The following AKT1 variants were observed in gnomAD, a reference collection of about 807,000 sequenced individuals.
AKT1 encodes AKT serine/threonine kinase 1.
In AKT1, 21 loss-of-function variants were observed where a neutral mutation model predicts 63.1. The observed-to-expected ratio is 0.33, with a 90% CI of 0.24 to 0.48. The LOEUF (loss-of-function observed/expected upper bound fraction) is 0.48, where lower values mean the gene tolerates loss of function less well. AKT1 is among the 20% of genes least tolerant of loss of function. The pLI, the probability that AKT1 is intolerant of heterozygous loss-of-function variation, is 0.99. For missense variants in AKT1, 382 were observed against 666.0 expected (o/e 0.57, Z 4.69); for synonymous variants, 257 against 253.1 (o/e 1.02, Z -0.15).
chr14:104,773,560 C>G lies in AKT1; in HGVS notation c.723G>C (p.Arg241=). The G allele has an allele frequency of 6.2e-7, 1 of 1,607,780 alleles. No individual in the cohort carries two copies. Among genetic ancestry groups the G allele is most frequent in the Non-Finnish European group, 8.5e-7 (1 of 1,177,622 alleles). The stretch of plus-strand genomic sequence containing the variant: ...CCCGGTCCTCGGAGAACACACGCTC[C>G]CGGGACAGGTGGAAGAACAGCTGCG... The part of the protein sequence containing the change: ...NGGELFFHLS[R]ERVFSEDRAR... The change falls in exon 10 of 15, where the codon CGG becomes CGC. Residue 241 remains arginine (R), a synonymous_variant. Transcript: ENST00000649815.
intron 12 of AKT1, 86 bp from the exon 13 acceptor site, chr14:104,772,538 C>G: frequency 7.3e-7 from 1 of 1,365,948 alleles, no homozygotes; most frequent in Non-Finnish European, 1.0e-6. Flanking sequence ...TGATGTAGGG[C>G]CCGCCAGACA....
In AKT1 at chr14:104,769,584, GATC is replaced by G. The variant is rs978353159; in HGVS notation, c.*754_*756del. The G allele has an allele frequency of 3.2e-5, 17 of 533,132 alleles. No homozygotes were observed. Among genetic ancestry groups the G allele is most frequent in the Non-Finnish European group, 4.4e-5 (12 of 275,140 alleles). 33.0% of individuals were successfully genotyped at this position (533,132 alleles called of 1,614,324 possible). On this transcript the variant is annotated 3_prime_UTR_variant, in exon 15 of 15. Transcript: ENST00000649815. ...AAAAGGTCAAGTGCTACCGTGGAGAGATCATCTGAGGGGGAGGCTCCCGGTGGG... is the reference window on the plus strand; with the variant it reads ...AAAAGGTCAAGTGCTACCGTGGAGAGATCTGAGGGGGAGGCTCCCGGTGGG...
chr14:104,781,794 G>T (rs543474851), intron 3 of AKT1, among the ~76,000 whole-genome samples: 22 of 152,300 alleles, frequency 1.4e-4, no homozygotes, highest in Non-Finnish European at 2.6e-4. Flanking sequence ...CCAGGAAGGG[G>T]ACAGCCACAG....
chr14:104,792,623 C>G lies in AKT1; in HGVS notation c.21G>C (p.Val7=). MSDVAI[V]KEGWLHKRGE... ...CTCGTTTGTGCAGCCAACCCTCCTT[C>G]ACAATAGCCACGTCGCTCATGGTGC... Residue 7 remains valine (V), a synonymous_variant, in exon 3 of 15, where the codon GTG becomes GTC. Coordinates refer to ENST00000649815, the MANE Select transcript of AKT1 (RefSeq NM_001382430.1). The G allele has an allele frequency of 6.2e-7, 1 of 1,611,680 alleles. No homozygotes were observed. Among genetic ancestry groups the G allele is most frequent in the Non-Finnish European group, 8.5e-7 (1 of 1,179,890 alleles).
At chr14:104,789,572 G>A (rs1401242124) in intron 3 of AKT1, among the ~76,000 whole-genome samples, 1 of 152,246 alleles carries the variant, frequency 6.6e-6, no homozygotes, top group Non-Finnish European at 1.5e-5. Flanking sequence ...GCCCAGGATT[G>A]ATTTTTTAAA....
At chr14:104,773,636 C>T (rs1356946602) in intron 9 of AKT1, 56 bp from the exon 10 acceptor site, 4 of 1,559,038 alleles carry the variant, frequency 2.6e-6, no homozygotes, top group Non-Finnish European at 8.7e-7. Flanking sequence ...CCCCCATGGC[C>T]TGCAGGGCTG....
intron 3 of AKT1, among the ~76,000 whole-genome samples, chr14:104,783,971 T>C (rs1468510997): frequency 6.6e-6 from 1 of 152,002 alleles, no homozygotes; most frequent in African/African-American, 2.4e-5. Context: ...GGGGGCCGAG[T>C]GGAGGACGGC....
intron 13 of AKT1, 68 bp downstream of exon 13, chr14:104,772,290 GCGTGCCA>G (rs1892433923): frequency 6.7e-7 from 1 of 1,500,972 alleles, no homozygotes; most frequent in Non-Finnish European, 9.3e-7. Flanking sequence ...AATCTGGCGA[GCGTGCCA>G]CGTGCATGCG....
At chr14:104,788,879 T>C (rs1893475553) in intron 3 of AKT1, among the ~76,000 whole-genome samples, 1 of 152,102 alleles carries the variant, frequency 6.6e-6, no homozygotes, top group Non-Finnish European at 1.5e-5. Context: ...GGGTAGGGCA[T>C]GGCAAGGACT....
chr14:104,776,062 G>A (rs1165781446), intron 5 of AKT1: 24 of 335,356 alleles, frequency 7.2e-5, no homozygotes, highest in African/African-American at 4.8e-4. Flanking sequence ...GCAGGACTCC[G>A]CCCCCCAGCA....
chr14:104,772,396 C>A lies in AKT1; in HGVS notation c.1229G>T (p.Gly410Val). 6.2e-7 allele frequency: 1 copy of A among 1,613,870 alleles called. No homozygotes were observed. Among genetic ancestry groups the A allele is most frequent in the Non-Finnish European group, 8.5e-7 (1 of 1,180,042 alleles). Residue 410 changes from glycine (G) to valine (V), a missense_variant, in exon 13 of 15, where the codon GGT (glycine) becomes GTT (valine). Gly to Val is a moderately radical substitution (Grantham distance 109). This residue lies in a region of AKT1 where 90 missense variants were observed against 120.5 expected (regional missense o/e 0.75). Coordinates refer to ENST00000649815, the MANE Select transcript of AKT1 (RefSeq NM_001382430.1). ...CTCGTACACGTGCTGCCACACGATA[C>A]CGGCAAAGAAGCGATGCTGCATGAT... ...KEIMQHRFFA[G>V]IVWQHVYEKK... is the part of the protein sequence containing the mutation.
At chr14:104,780,893 G>C (rs541431855) in intron 3 of AKT1, among the ~76,000 whole-genome samples, 1 of 152,356 alleles carries the variant, frequency 6.6e-6, no homozygotes, top group East Asian at 1.9e-4. Flanking sequence ...AGCCAGACAC[G>C]GAGGTGGCCC....
At chr14:104,771,670 CT>C (rs1892394443) in intron 13 of AKT1, 2 of 235,806 alleles carry the variant, frequency 8.5e-6, no homozygotes, top group East Asian at 1.2e-4. Flanking sequence ...TGCACACAGC[CT>C]AGGACAGGCA....
rs11555434 is a variant in AKT1 at position 104,772,446 on chromosome 14, G to A, written c.1179C>T (p.Gly393=). The A allele has an allele frequency of 1.5e-3, 2,448 of 1,613,560 alleles. 35 individuals are homozygous for A. The African/African-American group carries it at 0.027, about 18-fold the overall frequency. The stretch of plus-strand genomic sequence containing the variant: ...TCTCCTTGGCGTCCTCGGAGCCCCC[G>A]CCAAGCCTGCAGGCAGGAAACAAGG... ...LLKKDPKQRL[G]GGSEDAKEIM... is the part of the protein sequence containing the mutation. Residue 393 remains glycine (G), a synonymous_variant, in exon 13 of 15, where the codon GGC becomes GGT. Transcript: ENST00000649815.
At chr14:104,792,803 C>CT (rs2141008130) in intron 2 of AKT1, 81 bp from the exon 3 acceptor site, 1 of 828,774 alleles carries the variant, frequency 1.2e-6, no homozygotes, top group South Asian at 1.5e-5. Context: ...CAGAGACCCA[C>CT]TGCACGTGCC....
At chr14:104,780,713 G>GGCCCC in intron 3 of AKT1, among the ~76,000 whole-genome samples, 5 of 150,834 alleles carry the variant, frequency 3.3e-5, no homozygotes, top group East Asian at 2.0e-4. Flanking sequence ...CAGCATGGCC[G>GGCCCC]CCCCCCCCGC....
intron 3 of AKT1, among the ~76,000 whole-genome samples, chr14:104,787,627 T>C (rs933270308): frequency 3.3e-5 from 5 of 152,216 alleles, no homozygotes; most frequent in Non-Finnish European, 7.3e-5. Flanking sequence ...CCGGCCAGGC[T>C]TCTCCTGAGA....
At position 104,792,675 on chromosome 14, in the gene AKT1, TC is replaced by T; in HGVS notation, c.-33del. 1 of 1,606,234 alleles carries T rather than the reference TC, an allele frequency of 6.2e-7. No homozygotes were observed. Among genetic ancestry groups the T allele is most frequent in the African/African-American group, 1.3e-5 (1 of 74,982 alleles). On this transcript the variant is annotated 5_prime_UTR_variant, in exon 3 of 15. Transcript: ENST00000649815. ...CGAGGCTCCCGCGACGCTCACGCGC[TC>T]CTCTCAGGCTGGCGCTCCCCGAGCC...
chr14:104,772,731 C>T, intron 12 of AKT1, 147 bp downstream of exon 12: 2 of 981,270 alleles, frequency 2.0e-6, no homozygotes, highest in African/African-American at 3.3e-5. Context: ...GGGCCTGAGG[C>T]TTTGGAGATC....
Sources: allele counts gnomAD v4.1 joint callset (sites outside exome capture counted in the v4.1 genomes callset), GRCh38; gene constraint gnomAD v4.1.1; regional missense constraint gnomAD v4.1.1; transcripts MANE v1.5; gene names NCBI Gene and HGNC (gene_info 2026-07-23, HGNC 2026-07-21).